TRPC7: variants seen among roughly 807,000 people sequenced by gnomAD.
TRPC7 encodes transient receptor potential cation channel subfamily C member 7, also known as short transient receptor potential channel 7.
Under a neutral mutation model 90.1 loss-of-function variants are expected in TRPC7, and 42 were observed. The observed-to-expected ratio is 0.47, with a 90% CI of 0.36 to 0.60. The LOEUF is 0.60. Ranked by LOEUF, TRPC7 falls within the 20% of genes least tolerant of loss-of-function variation. The pLI is 0.00. For missense variants in TRPC7, 955 were observed against 1,112.3 expected (o/e 0.86, Z 2.01); for synonymous variants, 451 against 436.3 (o/e 1.03, Z -0.42).
Position 136,357,398 on chromosome 5 carries a change from G to A in TRPC7, c.3-13C>T. On this transcript the variant is annotated splice_polypyrimidine_tract_variant and intron_variant, in intron 1 of 11. Coordinates refer to ENST00000513104, the MANE Select transcript of TRPC7 (RefSeq NM_020389.3). ...GCTGTTCCTCAACCTATGGGACAAGGCAAAGATGCCCTGTTACTTTCCTGC... is the reference window on the plus strand; with the variant it reads ...GCTGTTCCTCAACCTATGGGACAAGACAAAGATGCCCTGTTACTTTCCTGC... 1 of 1,574,094 alleles carries A rather than the reference G, an allele frequency of 6.4e-7. No homozygotes were observed. Among genetic ancestry groups the A allele is most frequent in the Non-Finnish European group, 8.6e-7 (1 of 1,164,174 alleles).
intron 3 of TRPC7, among the ~76,000 whole-genome samples, chr5:136,305,885 A>T (rs1314478078): frequency 2.0e-5 from 3 of 152,204 alleles, no homozygotes; most frequent in Non-Finnish European, 2.9e-5. Context: ...AGGACTGGAC[A>T]ATACTTTTAC....
intron 4 of TRPC7, among the ~76,000 whole-genome samples, chr5:136,268,221 G>C (rs540409104): frequency 1.3e-5 from 2 of 152,186 alleles, no homozygotes; most frequent in Non-Finnish European, 2.9e-5. Flanking sequence ...ATATCCAGGA[G>C]ACAGCCTTAG....
chr5:136,336,030 G>C (rs915210832), intron 2 of TRPC7, among the ~76,000 whole-genome samples: 43 of 148,582 alleles, frequency 2.9e-4, no homozygotes, highest in African/African-American at 1.0e-3. Context: ...TGCCACATCT[G>C]TCCACTGAGG....
Position 136,247,524 on chromosome 5 carries a change from C to T in TRPC7, c.1791G>A (p.Met597Ile). 6.2e-7 allele frequency: 1 copy of T among 1,613,970 alleles called. No individual in the cohort carries two copies. The highest frequency in any genetic ancestry group is 8.5e-7 in the Non-Finnish European group (1 of 1,179,878). Residue 597 changes from methionine (M) to isoleucine (I), a missense_variant, in exon 7 of 12, where the codon ATG becomes ATA. Transcript: ENST00000513104. The surrounding 1 kb of genome is among the most constrained non-coding windows in gnomAD (Gnocchi z 4.2). ...IMVFVAFMIG[M>I]FNLYSYYRGA... Reference sequence around the variant, plus strand: ...CTCGGTAGTAAGAGTACAGGTTGAACATCCCAATCATGAAGGCCACAAATA... The same window carrying T: ...CTCGGTAGTAAGAGTACAGGTTGAATATCCCAATCATGAAGGCCACAAATA...
chr5:136,345,629 T>C (rs1305361594), intron 2 of TRPC7, among the ~76,000 whole-genome samples: 2 of 152,212 alleles, frequency 1.3e-5, no homozygotes. Flanking sequence ...ATTATAAAAA[T>C]TTTCTCCCAT....
chr5:136,244,516 C>T (rs7731835), intron 7 of TRPC7, among the ~76,000 whole-genome samples: 282 of 152,344 alleles, frequency 1.9e-3, no homozygotes, highest in African/African-American at 6.2e-3. Flanking sequence ...TACTTTGACT[C>T]TGGCTTCCTT....
chr5:136,304,479 G>A (rs180770), intron 3 of TRPC7, among the ~76,000 whole-genome samples: 77,214 of 151,676 alleles, frequency 0.51, 20,136 homozygotes, highest in African/African-American at 0.62. Flanking sequence ...TGTTTTGCCT[G>A]TCCACCCCGT....
chr5:136,251,089 A>G (rs77486934), intron 6 of TRPC7, among the ~76,000 whole-genome samples: 3,396 of 152,342 alleles, frequency 0.022, 48 homozygotes, highest in Middle Eastern at 0.037. Flanking sequence ...CTCAATAAAC[A>G]TATGTTATAA....
chr5:136,292,151 A>G (rs1005508816), intron 3 of TRPC7, among the ~76,000 whole-genome samples: 3 of 152,240 alleles, frequency 2.0e-5, no homozygotes, highest in African/African-American at 7.2e-5. Context: ...CAGTGTGTAG[A>G]GGGAAATTTA....
At chr5:136,274,140 G>C (rs931773566) in intron 4 of TRPC7, among the ~76,000 whole-genome samples, 2 of 152,214 alleles carry the variant, frequency 1.3e-5, no homozygotes, top group Non-Finnish European at 2.9e-5. Context: ...GGAAGATGTT[G>C]CAATGTGTCT....
Position 136,266,310 on chromosome 5 carries a change from C to T in TRPC7, c.1255G>A (p.Glu419Lys), listed in dbSNP as rs753754845. The T allele has an allele frequency of 3.1e-5, 50 of 1,613,784 alleles. No individual in the cohort carries two copies. The highest frequency in any genetic ancestry group is 1.6e-4 in the Middle Eastern group (1 of 6,084). ...TGTTTTGGGTAGTCTGTGAAGGTTT[C>T]GTTTGGCAGGGTTTTAACACCTTCA... ...RFEGVKTLPN[E>K]TFTDYPKQIF... is the part of the protein sequence containing the mutation. Residue 419 changes from glutamate to lysine, a missense_variant, in exon 5 of 12, where the codon GAA becomes AAA. By Grantham distance (56) the Glu-to-Lys change is moderately conservative. This residue lies in a region of TRPC7 where 484 missense variants were observed against 509.6 expected (regional missense o/e 0.95). Coordinates refer to ENST00000513104, the MANE Select transcript of TRPC7 (RefSeq NM_020389.3).
intron 1 of TRPC7, among the ~76,000 whole-genome samples, chr5:136,361,502 T>C (rs950751255): frequency 1.3e-5 from 2 of 152,196 alleles, no homozygotes; most frequent in East Asian, 3.8e-4. Context: ...ATGAAAAGTA[T>C]AAATCTTGTG....
intron 2 of TRPC7, among the ~76,000 whole-genome samples, chr5:136,354,996 G>C (rs926273938): frequency 6.6e-6 from 1 of 152,176 alleles, no homozygotes; most frequent in Non-Finnish European, 1.5e-5. Context: ...GGTATGAGCT[G>C]GTACCCATTC....
At position 136,364,173 on chromosome 5, in the gene TRPC7, A is replaced by G. The variant is rs569127829; in HGVS notation, c.2+1080T>C. Among the ~76,000 whole-genome samples the G allele has an allele frequency of 2.5e-4, 38 of 152,344 alleles. 1 individual carries two copies. In the South Asian group the frequency reaches 6.8e-3, roughly 27 times the overall value. On this transcript the variant is annotated intron_variant, in intron 1 of 11. Coordinates refer to ENST00000513104, the MANE Select transcript of TRPC7 (RefSeq NM_020389.3). ...GAGCTCCTGGTAGCTCTCATCCAAG[A>G]TACCGCATGCATTCTGCAATTAGCC... is the stretch of plus-strand genomic sequence containing the variant.
At chr5:136,228,090 A>C (rs1210943913) in intron 8 of TRPC7, among the ~76,000 whole-genome samples, 34 of 152,186 alleles carry the variant, frequency 2.2e-4, no homozygotes, top group Admixed American at 2.2e-3. Flanking sequence ...GCAAGGGCCC[A>C]GGAGAGGCCC....
chr5:136,336,508 T>G (rs996739956), intron 2 of TRPC7, among the ~76,000 whole-genome samples: 1 of 148,856 alleles, frequency 6.7e-6, no homozygotes, highest in African/African-American at 2.5e-5. Context: ...AAAGGAAGGT[T>G]TTTTTTTTTT....
intron 5 of TRPC7, among the ~76,000 whole-genome samples, 173 bp downstream of exon 5, chr5:136,266,047 G>A (rs1757016385): frequency 6.6e-6 from 1 of 152,092 alleles, no homozygotes; most frequent in African/African-American, 2.4e-5. Flanking sequence ...TTGTATACAG[G>A]TCTGTGTATC....
intron 3 of TRPC7, among the ~76,000 whole-genome samples, chr5:136,296,521 C>T (rs947261661): frequency 6.6e-6 from 1 of 152,028 alleles, no homozygotes; most frequent in Non-Finnish European, 1.5e-5. Flanking sequence ...AATGAATGCT[C>T]AACAGTAGAG....
chr5:136,268,721 C>T (rs1280576154), intron 4 of TRPC7, among the ~76,000 whole-genome samples: 3 of 152,118 alleles, frequency 2.0e-5, no homozygotes, highest in Non-Finnish European at 4.4e-5. Context: ...AATAAAAAGT[C>T]CTGTTAATGC....
Sources: gnomAD v4.1 joint callset for allele counts (sites outside exome capture counted in the v4.1 genomes callset) on GRCh38, gnomAD v4.1.1 for gene constraint, gnomAD v4.1.1 regional missense constraint, Gnocchi (gnomAD v3.1) non-coding constraint, MANE v1.5 for transcripts, NCBI Gene and HGNC (gene_info 2026-07-23, HGNC 2026-07-21) for gene names.